Variants in PDE11A observed in about 807,000 individuals in gnomAD.
The protein encoded by PDE11A is phosphodiesterase 11A.
PDE11A carries 100 observed loss-of-function variants against 100.5 expected under a neutral mutation model. The ratio of observed to expected loss-of-function variants is 1.00; its 90% CI spans 0.85 to 1.18. The LOEUF (loss-of-function observed/expected upper bound fraction) is 1.18. Ranked by LOEUF, PDE11A falls within the 50% of genes most tolerant of loss-of-function variation. The probability of loss-of-function intolerance (pLI) is 0.00; values close to 1 mark genes in which losing one functional copy is unlikely to be tolerated. For missense variants in PDE11A, 1,141 were observed against 1,152.6 expected, an observed-to-expected ratio of 0.99 and a Z score of 0.15; for synonymous variants, 381 against 420.8, an observed-to-expected ratio of 0.91 and a Z score of 1.16.
At chr2:177,634,937 G>C (rs2080016369) in intron 19 of PDE11A, among the ~76,000 whole-genome samples, 1 of 152,112 alleles carries the variant, frequency 6.6e-6, no homozygotes, top group Non-Finnish European at 1.5e-5. Context: ...AAAGAGAAGG[G>C]GGGAAACTTA....
chr2:178,019,268 A>C (rs1026088128), intron 1 of PDE11A, among the ~76,000 whole-genome samples: 1 of 152,220 alleles, frequency 6.6e-6, no homozygotes, highest in Non-Finnish European at 1.5e-5. Flanking sequence ...GGAGCTTGGA[A>C]AGCTGCTGAA....
chr2:177,736,230 G>A (rs1422235183), intron 10 of PDE11A, among the ~76,000 whole-genome samples: 2 of 152,158 alleles, frequency 1.3e-5, no homozygotes, highest in Admixed American at 6.5e-5. Flanking sequence ...ACAGAGGAAG[G>A]GCCAGGCGTA....
chr2:177,675,309 C>T, intron 17 of PDE11A, 146 bp downstream of exon 17: 1 of 685,234 alleles, frequency 1.5e-6, no homozygotes, highest in Non-Finnish European at 2.7e-6. Flanking sequence ...CGTGCCTAAG[C>T]CTCCTGCTAT....
chr2:178,090,959 G>A (rs979759775), intron 2 of PDE11A, among the ~76,000 whole-genome samples: 2 of 152,188 alleles, frequency 1.3e-5, no homozygotes, highest in African/African-American at 4.8e-5. Flanking sequence ...GTAAGCCTGG[G>A]CACTTAGCAG....
chr2:178,037,907 A>C (rs1254606150), intron 1 of PDE11A, among the ~76,000 whole-genome samples: 2 of 152,050 alleles, frequency 1.3e-5, no homozygotes, highest in African/African-American at 4.8e-5. Context: ...GCATTAGGAC[A>C]AATATCTAAT....
At chr2:177,631,537 A>ACACATGTG (rs1559117309) in intron 19 of PDE11A, among the ~76,000 whole-genome samples, 27 of 27,660 alleles carry the variant, frequency 9.8e-4, no homozygotes, top group Middle Eastern at 0.038. Flanking sequence ...ATATATATAT[A>ACACATGTG]TATATATATA....
At chr2:178,068,887 C>A (rs1315913392) in intron 1 of PDE11A, among the ~76,000 whole-genome samples, 1 of 152,074 alleles carries the variant, frequency 6.6e-6, no homozygotes, top group African/African-American at 2.4e-5. Context: ...ATAGTGTTAC[C>A]AAACCACATT....
chr2:177,797,216 T>A (rs1438057), intron 9 of PDE11A: 2 of 152,146 alleles, frequency 1.3e-5, no homozygotes, highest in Non-Finnish European at 2.9e-5. Context: ...TGGTAAATGC[T>A]CTCCTGCAAC....
intron 9 of PDE11A, among the ~76,000 whole-genome samples, chr2:177,791,047 C>A (rs919327657): frequency 1.8e-4 from 28 of 152,006 alleles, no homozygotes; most frequent in Admixed American, 1.0e-3. Flanking sequence ...GTATATACCC[C>A]AAGGACTATA....
intron 1 of PDE11A, among the ~76,000 whole-genome samples, chr2:178,023,315 C>CA (rs898332525): frequency 6.6e-5 from 10 of 152,054 alleles, no homozygotes; most frequent in East Asian, 1.9e-4. Context: ...CAGCCAGCCC[C>CA]AAAAAAACAC....
chr2:178,024,298 G>C (rs1380989894), intron 1 of PDE11A, among the ~76,000 whole-genome samples: 2 of 152,178 alleles, frequency 1.3e-5, no homozygotes, highest in Non-Finnish European at 2.9e-5. Context: ...TGTAATCCCA[G>C]CTACTCGGGA....
intron 2 of PDE11A, among the ~76,000 whole-genome samples, chr2:177,917,673 C>T (rs898694715): frequency 6.6e-6 from 1 of 152,118 alleles, no homozygotes; most frequent in Non-Finnish European, 1.5e-5. Flanking sequence ...TGTGGCTTAG[C>T]ATTTTACAGA....
intron 2 of PDE11A, among the ~76,000 whole-genome samples, chr2:177,926,664 T>C (rs922866701): frequency 6.6e-6 from 1 of 152,358 alleles, no homozygotes; most frequent in South Asian, 2.1e-4. Context: ...GATAATTTCA[T>C]AGTATTTCAT....
intron 2 of PDE11A, among the ~76,000 whole-genome samples, chr2:177,939,529 G>GAGGAAGGAAGGAAGGA (rs72249265): frequency 8.8e-4 from 89 of 100,788 alleles, no homozygotes; most frequent in African/African-American, 1.9e-3. Context: ...GGGAGGGAGG[G>GAGGAAGGAAGGAAGGA]AGGAAGGAAG....
intron 2 of PDE11A, among the ~76,000 whole-genome samples, chr2:178,079,975 T>C (rs7586240): frequency 0.41 from 62,493 of 152,016 alleles, 13,120 homozygotes; most frequent in African/African-American, 0.46. Flanking sequence ...ATGTCCTTTG[T>C]CCATTTTTTA....
chr2:177,879,235 G>A (rs371032515), intron 4 of PDE11A, among the ~76,000 whole-genome samples: 1 of 152,136 alleles, frequency 6.6e-6, no homozygotes, highest in Non-Finnish European at 1.5e-5. Flanking sequence ...GGTTACAATT[G>A]TATTATCCTG....
chr2:177,791,252 T>C (rs2082627007), intron 9 of PDE11A, among the ~76,000 whole-genome samples: 1 of 151,492 alleles, frequency 6.6e-6, no homozygotes. Context: ...ATGGATGAAA[T>C]TGGAAATCAT....
intron 1 of PDE11A, among the ~76,000 whole-genome samples, chr2:178,044,943 T>A (rs2086731214): frequency 6.6e-6 from 1 of 152,102 alleles, no homozygotes; most frequent in Non-Finnish European, 1.5e-5. Context: ...AATCCATGAC[T>A]AAGGCAACAA....
chr2:177,631,926 G>A (rs1431227064), intron 19 of PDE11A, among the ~76,000 whole-genome samples: 1 of 152,010 alleles, frequency 6.6e-6, no homozygotes, highest in East Asian at 1.9e-4. Flanking sequence ...TCTTACAGAT[G>A]ATAAAACATG....
Sources: gnomAD v4.1 joint callset for allele counts (sites outside exome capture counted in the v4.1 genomes callset) on GRCh38, gnomAD v4.1.1 for gene constraint, MANE v1.5 for transcripts, NCBI Gene and HGNC (gene_info 2026-07-23, HGNC 2026-07-21) for gene names.